GPBP1: variants seen among roughly 807,000 people sequenced by gnomAD.
GPBP1 encodes the protein vasculin.
A neutral mutation model predicts 56.5 loss-of-function variants in GPBP1; 13 were observed. The ratio of observed to expected loss-of-function variants is 0.23; its 90% CI spans 0.15 to 0.37. GPBP1 has a LOEUF of 0.37. GPBP1 is among the 10% of genes least tolerant of loss of function. The pLI is 1.00. For synonymous variants in GPBP1, 204 were observed against 188.9 expected (o/e 1.08, Z -0.66); for missense variants, 477 against 572.3 (o/e 0.83, Z 1.70).
chr5:57,237,774 T>A (rs192282119), intron 6 of GPBP1, among the ~76,000 whole-genome samples: 4 of 152,210 alleles, frequency 2.6e-5, no homozygotes, highest in African/African-American at 9.6e-5. Context: ...TAGGAAAGAC[T>A]TCAATAGAGC....
chr5:57,214,527 G>A (rs1439708370), intron 3 of GPBP1, among the ~76,000 whole-genome samples: 1 of 152,172 alleles, frequency 6.6e-6, no homozygotes, highest in Admixed American at 6.5e-5. Context: ...AGAGGTTGTG[G>A]TGAGCTGAGG....
intron 2 of GPBP1, among the ~76,000 whole-genome samples, chr5:57,182,850 A>T (rs1359554725): frequency 6.6e-6 from 1 of 151,756 alleles, no homozygotes; most frequent in African/African-American, 2.4e-5. Flanking sequence ...TGCTCGGCTA[A>T]TTTTTTTTAT....
chr5:57,184,408 G>C (rs1004431977), intron 2 of GPBP1, among the ~76,000 whole-genome samples: 1 of 151,996 alleles, frequency 6.6e-6, no homozygotes, highest in African/African-American at 2.4e-5. Flanking sequence ...CTTGGCTTCT[G>C]GTGAGGCCTC....
Position 57,251,138 on chromosome 5 carries a change from A to G in GPBP1, c.1157A>G (p.His386Arg). 6.2e-7 allele frequency: 1 copy of G among 1,600,874 alleles called. No homozygotes were observed. Among genetic ancestry groups the G allele is most frequent in the South Asian group, 1.1e-5 (1 of 88,670 alleles). The change falls in exon 10 of 12, where the codon CAC becomes CGC. Residue 386 changes from histidine (H) to arginine (R), a missense_variant. Physicochemically the swap from His to Arg is conservative, Grantham distance 29 (BLOSUM62 0). Around this residue, in one of 2 missense-constraint regions of GPBP1, gnomAD observed 63 missense variants for 114.0 expected, o/e 0.55. Coordinates refer to ENST00000506184, the MANE Select transcript of GPBP1 (RefSeq NM_022913.4). ...DVLSSSLEAE[H>R]RLLKEMGWQE... ...CTTTCAAGTTCACTTGAGGCAGAACACAGGCTAGTATTTGTTTGTACTTTT... is the reference window on the plus strand; with the variant it reads ...CTTTCAAGTTCACTTGAGGCAGAACGCAGGCTAGTATTTGTTTGTACTTTT...
intron 2 of GPBP1, among the ~76,000 whole-genome samples, chr5:57,182,980 GC>G (rs1357808446): frequency 6.6e-6 from 1 of 152,164 alleles, no homozygotes; most frequent in East Asian, 1.9e-4. Flanking sequence ...ACTGCGTCTG[GC>G]CCCCTTTAAT....
rs112614244 is a variant in GPBP1, at chr5:57,226,915, A to G, written c.64-3931A>G. On this transcript the variant is annotated intron_variant, in intron 3 of 11. Coordinates refer to ENST00000506184, the MANE Select transcript of GPBP1 (RefSeq NM_022913.4). ...CCACCGCGCCTGACTAATTTTTTGT[A>G]TTTTTAGTAGAGACGGGGTTTCACC... Among the ~76,000 whole-genome samples the G allele has an allele frequency of 2.1e-3, 319 of 151,388 alleles. 2 individuals are homozygous for G. Among genetic ancestry groups the G allele is most frequent in the African/African-American group, 7.1e-3 (292 of 41,288 alleles).
rs1491585673 is a variant in GPBP1, at chr5:57,181,447, AAG to A, written c.-58+5049_-58+5050del. ...ACAAGACTGTGTCAAAAAAAAAAAA[AAG>A]AACCTCTGACATACAAAATACTATT... is the stretch of plus-strand genomic sequence containing the variant. On this transcript the variant is annotated intron_variant, in intron 2 of 11. Transcript: ENST00000506184. 2.0e-5 allele frequency among the ~76,000 whole-genome samples: 3 copies of A among 151,682 alleles called. No homozygotes were observed. In the East Asian group the frequency reaches 5.8e-4, roughly 29 times the overall value.
chr5:57,178,083 G>A (rs1238733998), intron 2 of GPBP1, among the ~76,000 whole-genome samples: 1 of 152,074 alleles, frequency 6.6e-6, no homozygotes, highest in African/African-American at 2.4e-5. Context: ...TAAAATCGGT[G>A]AGAACATTCC....
rs1741810872 is a variant in GPBP1, at chr5:57,259,776, C to G, written c.1161-1404C>G. On this transcript the variant is annotated intron_variant, in intron 10 of 11. Coordinates refer to ENST00000506184, the MANE Select transcript of GPBP1 (RefSeq NM_022913.4). Reference sequence around the variant, plus strand: ...TAAGGACTCTCTGGTGAAGCTTTCCCAGGCATTTTTCTGCTAAAGCTTTCC... The same window carrying G: ...TAAGGACTCTCTGGTGAAGCTTTCCGAGGCATTTTTCTGCTAAAGCTTTCC... 2.0e-5 allele frequency among the ~76,000 whole-genome samples: 3 copies of G among 152,092 alleles called. No individual in the cohort carries two copies. The South Asian group carries it at 6.2e-4, about 32-fold the overall frequency.
At chr5:57,199,862 A>G (rs1159154398) in intron 2 of GPBP1, among the ~76,000 whole-genome samples, 1 of 151,538 alleles carries the variant, frequency 6.6e-6, no homozygotes, top group East Asian at 1.9e-4. Flanking sequence ...CCTGGAATAT[A>G]TTAAGTGGTG....
Position 57,249,481 on chromosome 5 carries a change from A to T in GPBP1, c.877A>T (p.Met293Leu). 1 of 1,607,584 alleles carries T rather than the reference A, an allele frequency of 6.2e-7. No individual in the cohort carries two copies. Among genetic ancestry groups the T allele is most frequent in the South Asian group, 1.1e-5 (1 of 90,882 alleles). The change falls in exon 9 of 12, where the codon ATG (methionine) becomes TTG (leucine). Residue 293 changes from methionine (M) to leucine (L), a missense_variant. Met to Leu is a conservative substitution (Grantham distance 15). Transcript: ENST00000506184. Reference protein sequence around the residue: ...QQPRLTKLTRMRTDKKSEFLK... With the variant: ...QQPRLTKLTRLRTDKKSEFLK... ...GCCTCGTCTAACCAAACTGACACGA[A>T]TGCGCACTGATAAGAAGAGTGAATT...
chr5:57,214,136 G>A lies in GPBP1; in HGVS notation c.6G>A (p.Ala2=). The A allele has an allele frequency of 1.9e-6, 3 of 1,613,674 alleles. No individual in the cohort carries two copies. Among genetic ancestry groups the A allele is most frequent in the Non-Finnish European group, 1.7e-6 (2 of 1,179,638 alleles). M[A]QHDFAPAWLN... ...GTTGGAGAGACTGGACCTAAATGGCGCAGCATGACTTTGCTCCAGCCTGGC... is the reference window on the plus strand; with the variant it reads ...GTTGGAGAGACTGGACCTAAATGGCACAGCATGACTTTGCTCCAGCCTGGC... The change falls in exon 3 of 12, where the codon GCG becomes GCA. Residue 2 remains alanine, a synonymous_variant. Coordinates refer to ENST00000506184, the MANE Select transcript of GPBP1 (RefSeq NM_022913.4).
chr5:57,251,077 A>G lies in GPBP1; in HGVS notation c.1096A>G (p.Ile366Val). The G allele has an allele frequency of 6.2e-7, 1 of 1,613,492 alleles. No individual in the cohort carries two copies. The highest frequency in any genetic ancestry group is 8.5e-7 in the Non-Finnish European group (1 of 1,179,824). ...NGNASVISQQ[I>V]IRSSTFPQTD... Reference sequence around the variant, plus strand: ...CAATGCCTCAGTGATTTCCCAGCAGATCATTCGGTCTTCAACCTTCCCACA... The same window carrying G: ...CAATGCCTCAGTGATTTCCCAGCAGGTCATTCGGTCTTCAACCTTCCCACA... Residue 366 changes from isoleucine (I) to valine (V), a missense_variant, in exon 10 of 12, where the codon ATC becomes GTC. By Grantham distance (29) the Ile-to-Val change is conservative (BLOSUM62 3). This residue lies in a region of GPBP1 where 414 missense variants were observed against 458.2 expected (regional missense o/e 0.90). Transcript: ENST00000506184.
At chr5:57,238,457 C>CT (rs1740647185) in intron 6 of GPBP1, among the ~76,000 whole-genome samples, 1 of 152,118 alleles carries the variant, frequency 6.6e-6, no homozygotes, top group Non-Finnish European at 1.5e-5. Flanking sequence ...ACTCGGGAGG[C>CT]TGAGGCAGGA....
chr5:57,237,217 A>G, intron 6 of GPBP1: 1 of 1,244,998 alleles, frequency 8.0e-7, no homozygotes. Flanking sequence ...AACTGATTGC[A>G]TAAGAATATA....
At chr5:57,206,143 T>A (rs574622785) in intron 2 of GPBP1, among the ~76,000 whole-genome samples, 1 of 152,338 alleles carries the variant, frequency 6.6e-6, no homozygotes, top group Admixed American at 6.5e-5. Flanking sequence ...ATACTAGACC[T>A]TATTAGATAT....
At chr5:57,226,702 C>T (rs1756208014) in intron 3 of GPBP1, among the ~76,000 whole-genome samples, 3 of 148,086 alleles carry the variant, frequency 2.0e-5, no homozygotes, top group Non-Finnish European at 4.5e-5. Flanking sequence ...CAGGTGTGCG[C>T]CACCAAGCCT....
chr5:57,231,111 G>A lies in GPBP1; in HGVS notation c.201G>A (p.Arg67=), dbSNP rs368535139. ...IGRPNGGNFG[R]KEKNGWRTHG... is the part of the protein sequence containing the mutation. ...TATCAAATAAAGGTAACTTTGGAAG[G>A]AAAGAAAAAAATGGATGGCGTACAC... is the stretch of plus-strand genomic sequence containing the variant. The change falls in exon 5 of 12, where the codon AGG becomes AGA. Residue 67 remains arginine (R), a synonymous_variant. Transcript: ENST00000506184. The A allele has an allele frequency of 6.2e-7, 1 of 1,612,202 alleles. No homozygotes were observed.
At chr5:57,232,595 G>A (rs530176993) in intron 5 of GPBP1, among the ~76,000 whole-genome samples, 2 of 152,226 alleles carry the variant, frequency 1.3e-5, no homozygotes, top group East Asian at 1.9e-4. Flanking sequence ...CTTTTAAAAA[G>A]TTTAAAAACT....
Sources: allele counts gnomAD v4.1 joint callset (sites outside exome capture counted in the v4.1 genomes callset), GRCh38; gene constraint gnomAD v4.1.1; regional missense constraint gnomAD v4.1.1; transcripts MANE v1.5; gene names NCBI Gene and HGNC (gene_info 2026-07-23, HGNC 2026-07-21).